SLIT3: variants seen among roughly 807,000 people sequenced by gnomAD.
The protein encoded by SLIT3 is slit homolog 3 protein.
SLIT3 carries 68 observed loss-of-function variants against 184.0 expected under a neutral mutation model. The observed-to-expected ratio is 0.37, with a 90% confidence interval of 0.30 to 0.45. The LOEUF is 0.45. Among genes scored for constraint, SLIT3 ranks in the 20% least tolerant of loss-of-function variants. The probability of loss-of-function intolerance (pLI) is 1.00; values close to 1 mark genes in which losing one functional copy is unlikely to be tolerated. For synonymous variants in SLIT3, 831 were observed against 828.6 expected (o/e 1.00, Z -0.05); for missense variants, 1,707 against 2,026.0 (o/e 0.84, Z 3.02).
At chr5:168,996,634 T>C (rs977294962) in intron 4 of SLIT3, among the ~76,000 whole-genome samples, 1 of 152,230 alleles carries the variant, frequency 6.6e-6, no homozygotes, top group Non-Finnish European at 1.5e-5. Context: ...AACTCTTGGC[T>C]TGTAGACATT....
chr5:169,159,581 C>G (rs970266590), intron 4 of SLIT3, among the ~76,000 whole-genome samples: 1 of 152,150 alleles, frequency 6.6e-6, no homozygotes, highest in Non-Finnish European at 1.5e-5. Flanking sequence ...CGAGACCACC[C>G]TGGCTAACAT....
intron 16 of SLIT3, among the ~76,000 whole-genome samples, chr5:168,755,318 A>G (rs11953369): frequency 0.098 from 14,871 of 151,584 alleles, 2,505 homozygotes; most frequent in African/African-American, 0.34. Context: ...TTACTTCTTT[A>G]CAAAATTCAA....
At chr5:168,848,613 G>A (rs527284419) in intron 5 of SLIT3, among the ~76,000 whole-genome samples, 6 of 151,912 alleles carry the variant, frequency 3.9e-5, no homozygotes, top group African/African-American at 1.2e-4. Flanking sequence ...CTCGAATTTC[G>A]GCAAACAATA....
chr5:169,241,032 C>A (rs1181869693), intron 3 of SLIT3, among the ~76,000 whole-genome samples: 1 of 152,036 alleles, frequency 6.6e-6, no homozygotes, highest in Admixed American at 6.6e-5. Context: ...TGTTTCTATT[C>A]TATTCTAAGC....
Position 169,172,194 on chromosome 5 carries a change from C to A in SLIT3, c.413+21285G>T, listed in dbSNP as rs552928603. Among the ~76,000 whole-genome samples the A allele has an allele frequency of 2.0e-5, 3 of 152,336 alleles. No homozygotes were observed. The South Asian group carries it at 6.2e-4, about 32-fold the overall frequency. Reference sequence around the variant, plus strand: ...TTGAGATTGAAATGAAATGGGACCACAGAATTGCCAACCTGCATTGACAAA... The same window carrying A: ...TTGAGATTGAAATGAAATGGGACCAAAGAATTGCCAACCTGCATTGACAAA... On this transcript the variant is annotated intron_variant, in intron 4 of 35. Transcript: ENST00000519560.
rs918854263 is a variant in SLIT3 at position 168,665,339 on chromosome 5, G to A, written c.*1115C>T. The A allele has an allele frequency of 6.6e-6, 1 of 152,276 alleles. No homozygotes were observed. The highest frequency in any genetic ancestry group is 1.5e-5 in the Non-Finnish European group (1 of 68,082). 9.4% of individuals were successfully genotyped at this position (152,276 alleles called of 1,614,324 possible). A position where few individuals can be genotyped will look rare whatever the true frequency, so the allele number is the denominator to read the frequency against. On this transcript the variant is annotated 3_prime_UTR_variant, in exon 36 of 36. Coordinates refer to ENST00000519560, the MANE Select transcript of SLIT3 (RefSeq NM_003062.4). Reference sequence around the variant, plus strand: ...CTGGAGGATCAGGTGGCAGAGGCCTGTCTTACAACAAGAGCCTCCAAGAAC... The same window carrying A: ...CTGGAGGATCAGGTGGCAGAGGCCTATCTTACAACAAGAGCCTCCAAGAAC...
chr5:168,747,005 T>G (rs1255493066), intron 20 of SLIT3, among the ~76,000 whole-genome samples: 4 of 150,518 alleles, frequency 2.7e-5, no homozygotes, highest in African/African-American at 9.8e-5. Flanking sequence ...GTGTGTGGTG[T>G]GGTGGTGTGT....
intron 4 of SLIT3, among the ~76,000 whole-genome samples, chr5:168,990,080 C>T (rs544133570): frequency 6.6e-6 from 1 of 152,298 alleles, no homozygotes; most frequent in African/African-American, 2.4e-5. Flanking sequence ...TAGTTCCATT[C>T]CCCTGAAGAT....
At chr5:169,215,435 A>G (rs4868387) in intron 3 of SLIT3, among the ~76,000 whole-genome samples, 46,439 of 152,100 alleles carry the variant, frequency 0.31, 8,066 homozygotes, top group East Asian at 0.69. Flanking sequence ...CTTTCATCAC[A>G]GAGTGAATGA....
chr5:168,771,063 A>T (rs774074179), intron 14 of SLIT3, among the ~76,000 whole-genome samples: 1 of 152,176 alleles, frequency 6.6e-6, no homozygotes, highest in Non-Finnish European at 1.5e-5. Flanking sequence ...CAAAGGGTCA[A>T]GGTTGGCAGA....
At chr5:168,961,765 G>A (rs1218912455) in intron 4 of SLIT3, among the ~76,000 whole-genome samples, 1 of 152,080 alleles carries the variant, frequency 6.6e-6, no homozygotes, top group African/African-American at 2.4e-5. Context: ...AAAGAGCCAC[G>A]GGGCCTAACT....
At chr5:169,226,857 T>C (rs1048905556) in intron 3 of SLIT3, among the ~76,000 whole-genome samples, 4 of 152,206 alleles carry the variant, frequency 2.6e-5, no homozygotes, top group African/African-American at 9.7e-5. Context: ...TTCTACGTTT[T>C]ACAATGTGGG....
chr5:168,740,858 C>T (rs933598625), intron 20 of SLIT3, among the ~76,000 whole-genome samples: 6 of 152,198 alleles, frequency 3.9e-5, no homozygotes, highest in Non-Finnish European at 5.9e-5. Flanking sequence ...AAAGCATTCA[C>T]GGGCTATCGT....
chr5:168,984,821 C>A (rs946359192), intron 4 of SLIT3, among the ~76,000 whole-genome samples: 1 of 152,154 alleles, frequency 6.6e-6, no homozygotes, highest in Admixed American at 6.5e-5. Flanking sequence ...ACTTTAGTGG[C>A]CTTATCAACC....
chr5:168,903,190 G>A (rs1237378192), intron 4 of SLIT3, among the ~76,000 whole-genome samples: 2 of 152,270 alleles, frequency 1.3e-5, no homozygotes, highest in Non-Finnish European at 2.9e-5. Context: ...CCACAGACTG[G>A]CACTCTCTCA....
intron 4 of SLIT3, among the ~76,000 whole-genome samples, chr5:169,010,730 C>T (rs1264518592): frequency 3.3e-5 from 5 of 151,906 alleles, no homozygotes; most frequent in African/African-American, 7.3e-5. Flanking sequence ...GGCGAAACCC[C>T]GTCACTACCA....
intron 20 of SLIT3, among the ~76,000 whole-genome samples, chr5:168,736,903 T>C (rs975716032): frequency 6.6e-6 from 1 of 152,238 alleles, no homozygotes; most frequent in African/African-American, 2.4e-5. Flanking sequence ...CAAAAATTAT[T>C]CAACCTTCAG....
Position 169,223,696 on chromosome 5 carries a change from TA to T in SLIT3, c.341+21008del, listed in dbSNP as rs113615190. ...GCTTTTTAGGAGAGACCTTTGGAGA[TA>T]AAAAAGATTTTGAAATTCCAAAAAT... On this transcript the variant is annotated intron_variant, in intron 3 of 35. Coordinates refer to ENST00000519560, the MANE Select transcript of SLIT3 (RefSeq NM_003062.4). Among the ~76,000 whole-genome samples, 972 of 152,244 alleles carry T rather than the reference TA, an allele frequency of 6.4e-3. 10 individuals are homozygous for T. Among genetic ancestry groups the T allele is most frequent in the African/African-American group, 0.02 (822 of 41,532 alleles).
At chr5:169,199,828 C>T (rs1278634217) in intron 3 of SLIT3, among the ~76,000 whole-genome samples, 2 of 152,134 alleles carry the variant, frequency 1.3e-5, no homozygotes, top group Admixed American at 1.3e-4. Context: ...GTTTCAAGGA[C>T]TAAGGGTGGG....
Sources: gnomAD v4.1 joint callset for allele counts (sites outside exome capture counted in the v4.1 genomes callset) on GRCh38, gnomAD v4.1.1 for gene constraint, MANE v1.5 for transcripts, NCBI Gene and HGNC (gene_info 2026-07-23, HGNC 2026-07-21) for gene names.